The following TENT4A variants were observed in gnomAD, a reference collection of about 807,000 sequenced individuals.
The protein encoded by TENT4A is terminal nucleotidyltransferase 4A.
In TENT4A, 7 loss-of-function variants were observed where a neutral mutation model predicts 72.8. That is an observed-to-expected ratio of 0.10 (90% confidence interval 0.05 to 0.18). The LOEUF is 0.18. Ranked by LOEUF, TENT4A falls within the 10% of genes least tolerant of loss-of-function variation. TENT4A has a pLI of 1.00. For missense variants in TENT4A, 831 were observed against 1,017.7 expected (o/e 0.82, Z 2.50); for synonymous variants, 456 against 434.3 (o/e 1.05, Z -0.62).
At chr5:6,748,430 G>C in intron 7 of TENT4A, 34 bp from the exon 8 acceptor site, 10 of 1,611,400 alleles carry the variant, frequency 6.2e-6, no homozygotes, top group Non-Finnish European at 8.5e-6. Flanking sequence ...TGGTGTGCAT[G>C]TGGGGAGGGT....
intron 1 of TENT4A, 42 bp downstream of exon 1, chr5:6,714,741 T>TGGTCTTGGCCGGCGCCCGC (rs1554005816): frequency 7.0e-6 from 7 of 1,002,942 alleles, no homozygotes; most frequent in Non-Finnish European, 8.8e-6. Flanking sequence ...GCGGGGCCCA[T>TGGTCTTGGCCGGCGCCCGC]GGTCCTGGCC....
intron 1 of TENT4A, among the ~76,000 whole-genome samples, chr5:6,720,511 G>A (rs922124244): frequency 1.3e-5 from 2 of 152,002 alleles, no homozygotes; most frequent in African/African-American, 4.8e-5. Context: ...TTTCTGTGCT[G>A]CACTCAGATG....
intron 12 of TENT4A, among the ~76,000 whole-genome samples, chr5:6,753,695 A>G (rs940200398): frequency 2.0e-5 from 3 of 152,206 alleles, no homozygotes; most frequent in Admixed American, 1.3e-4. Flanking sequence ...CGGTGCTTTC[A>G]TCGGTGTCCA....
At chr5:6,747,463 T>G (rs1742166548) in intron 7 of TENT4A, among the ~76,000 whole-genome samples, 1 of 152,234 alleles carries the variant, frequency 6.6e-6, no homozygotes, top group Admixed American at 6.5e-5. Context: ...TTTTGTTTTA[T>G]GGCTTCTGGG....
intron 12 of TENT4A, among the ~76,000 whole-genome samples, chr5:6,754,446 G>T (rs1157583099): frequency 6.6e-6 from 1 of 152,172 alleles, no homozygotes; most frequent in Admixed American, 6.5e-5. Context: ...TGGAATTACA[G>T]GTGCAAGCCA....
At chr5:6,734,289 C>G (rs952077035) in intron 1 of TENT4A, among the ~76,000 whole-genome samples, 2 of 152,242 alleles carry the variant, frequency 1.3e-5, no homozygotes, top group Non-Finnish European at 2.9e-5. Context: ...GTCAGTGTTC[C>G]GCCTTGCTGC....
At position 6,750,306 on chromosome 5, in the gene TENT4A, TA is replaced by T. The variant is rs754687734; in HGVS notation, c.1688-23del. On this transcript the variant is annotated intron_variant, in intron 9 of 12. Transcript: ENST00000230859. ...CCACGCCGCAGTTCTCAGGAGTTATTAACCAAGGCTTTTTCCCTCCACAGAC... is the reference window on the plus strand; with the variant it reads ...CCACGCCGCAGTTCTCAGGAGTTATTACCAAGGCTTTTTCCCTCCACAGAC... The T allele has an allele frequency of 3.5e-5, 55 of 1,590,990 alleles. No individual in the cohort carries two copies. In the East Asian group the frequency reaches 1.2e-3, roughly 36 times the overall value.
chr5:6,718,983 G>T (rs575770317), intron 1 of TENT4A, among the ~76,000 whole-genome samples: 1 of 151,552 alleles, frequency 6.6e-6, no homozygotes, highest in African/African-American at 2.4e-5. Context: ...AAAAAAAAAA[G>T]GCTTAATGCT....
At chr5:6,726,361 T>C (rs1740919476) in intron 1 of TENT4A, among the ~76,000 whole-genome samples, 1 of 152,154 alleles carries the variant, frequency 6.6e-6, no homozygotes, top group Admixed American at 6.5e-5. Flanking sequence ...TCAGGAGGCT[T>C]CCCGGGACTG....
intron 1 of TENT4A, among the ~76,000 whole-genome samples, chr5:6,734,089 A>C (rs1173019330): frequency 6.6e-6 from 1 of 152,228 alleles, no homozygotes; most frequent in African/African-American, 2.4e-5. Context: ...GATTCCATGC[A>C]CAGGCAAGCG....
chr5:6,719,627 A>G (rs1032607975), intron 1 of TENT4A, among the ~76,000 whole-genome samples: 2 of 152,120 alleles, frequency 1.3e-5, no homozygotes, highest in Admixed American at 6.5e-5. Context: ...CTTGAGAAGC[A>G]CCTCAGGGAG....
intron 6 of TENT4A, among the ~76,000 whole-genome samples, chr5:6,744,723 G>C (rs1430052206): frequency 6.6e-6 from 1 of 152,206 alleles, no homozygotes; most frequent in Non-Finnish European, 1.5e-5. Flanking sequence ...TTTTCTTACA[G>C]TTCTAGTCAC....
Position 6,718,839 on chromosome 5 carries a change from T to C in TENT4A, c.716+4140T>C, listed in dbSNP as rs955368847. On this transcript the variant is annotated intron_variant, in intron 1 of 12. Transcript: ENST00000230859. Reference sequence around the variant, plus strand: ...CACCATATGTCTGGTCACTGATAGATGAGGACTGGCCAGGTCAGGACAGCT... The same window carrying C: ...CACCATATGTCTGGTCACTGATAGACGAGGACTGGCCAGGTCAGGACAGCT... 2.6e-5 allele frequency among the ~76,000 whole-genome samples: 4 copies of C among 152,064 alleles called. No homozygotes were observed. In the East Asian group the frequency reaches 7.7e-4, roughly 29 times the overall value.
At chr5:6,754,038 GCC>G (rs1244034740) in intron 12 of TENT4A, among the ~76,000 whole-genome samples, 1 of 152,230 alleles carries the variant, frequency 6.6e-6, no homozygotes, top group African/African-American at 2.4e-5. Context: ...TTTGGGTGTA[GCC>G]CAAGCACAGG....
Position 6,714,062 on chromosome 5 carries a change from T to C in TENT4A, c.79T>C (p.Ser27Pro). 1 of 994,986 alleles carries C rather than the reference T, an allele frequency of 1.0e-6. No homozygotes were observed. The allele number at this position is 994,986 out of a possible 1,614,324, so 61.6% of individuals were successfully genotyped here. The change falls in exon 1 of 13, where the codon TCG becomes CCG. Residue 27 changes from serine (S) to proline (P), a missense_variant. Ser to Pro is a moderately conservative substitution (Grantham distance 74, BLOSUM62 -1). This residue lies in a region of TENT4A where 302 missense variants were observed against 293.8 expected (regional missense o/e 1.03). Transcript: ENST00000230859. ...CCTGTGGATGCAGATCTGGGAGACC[T>C]CGCAGGGCGTGGGCCGCGGCGGCTC... ...NALWMQIWET[S>P]QGVGRGGSGF...
In TENT4A at chr5:6,752,893, A is replaced by G. The variant is rs749206608; in HGVS notation, c.2040A>G (p.Pro680=). The G allele has an allele frequency of 6.2e-7, 1 of 1,613,960 alleles. No individual in the cohort carries two copies. ...CCTAGACCAGGTTTACTATACCTCCACCGACCCTAGGGGTTGCTCCTGTTC... is the reference window on the plus strand; with the variant it reads ...CCTAGACCAGGTTTACTATACCTCCGCCGACCCTAGGGGTTGCTCCTGTTC... ...TNNQTRFTIP[P]PTLGVAPVPC... is the part of the protein sequence containing the mutation. The change falls in exon 12 of 13, where the codon CCA becomes CCG. Residue 680 remains proline, a synonymous_variant. Transcript: ENST00000230859.
chr5:6,752,581 C>T (rs1057149479), intron 11 of TENT4A, among the ~76,000 whole-genome samples: 15 of 152,220 alleles, frequency 9.9e-5, no homozygotes, highest in Admixed American at 2.6e-4. Context: ...ACGGGGGTGA[C>T]GGTTGTTCTT....
chr5:6,716,964 C>T (rs1740418143), intron 1 of TENT4A, among the ~76,000 whole-genome samples: 1 of 152,218 alleles, frequency 6.6e-6, no homozygotes, highest in Non-Finnish European at 1.5e-5. Context: ...GTGAGGACCA[C>T]CTGCTCTGTG....
At chr5:6,754,092 G>A (rs1015636060) in intron 12 of TENT4A, among the ~76,000 whole-genome samples, 2 of 152,228 alleles carry the variant, frequency 1.3e-5, no homozygotes, top group African/African-American at 4.8e-5. Context: ...GGGCGAGAGC[G>A]CCAGGTCCTG....
Sources: allele counts gnomAD v4.1 joint callset (sites outside exome capture counted in the v4.1 genomes callset), GRCh38; gene constraint gnomAD v4.1.1; regional missense constraint gnomAD v4.1.1; transcripts MANE v1.5; gene names NCBI Gene and HGNC (gene_info 2026-07-23, HGNC 2026-07-21).